Variants in TASP1 observed in about 807,000 individuals in gnomAD.
TASP1 encodes taspase 1, also known as threonine aspartase 1.
In TASP1, 16 loss-of-function variants were observed where a neutral mutation model predicts 56.6. The observed-to-expected ratio is 0.28, with a 90% CI of 0.19 to 0.43. The LOEUF is 0.43. Among genes scored for constraint, TASP1 ranks in the 20% least tolerant of loss-of-function variants. TASP1 has a pLI of 1.00. For synonymous variants in TASP1, 179 were observed against 184.2 expected (o/e 0.97, Z 0.23); for missense variants, 393 against 511.6 (o/e 0.77, Z 2.24).
chr20:13,370,440 A>G, the TASP1 span, among the ~76,000 whole-genome samples: 9 of 152,160 alleles, frequency 5.9e-5, no homozygotes, highest in Non-Finnish European at 1.3e-4. Context: ...AGCTATATAC[A>G]TAAAAAGCTT....
At chr20:13,624,878 GC>G (rs1179468583) in intron 3 of TASP1, among the ~76,000 whole-genome samples, 1 of 151,092 alleles carries the variant, frequency 6.6e-6, no homozygotes, top group Non-Finnish European at 1.5e-5. Context: ...CTGCCTTTAA[GC>G]TGTTTTCTCT....
At chr20:13,580,162 G>A (rs2047069291) in intron 6 of TASP1, among the ~76,000 whole-genome samples, 1 of 152,176 alleles carries the variant, frequency 6.6e-6, no homozygotes, top group Non-Finnish European at 1.5e-5. Flanking sequence ...AAATACTATA[G>A]GGGCCAGGCA....
chr20:13,563,794 T>C (rs6109949), intron 7 of TASP1, among the ~76,000 whole-genome samples: 90,823 of 151,634 alleles, frequency 0.6, 28,086 homozygotes, highest in Non-Finnish European at 0.68. Context: ...CAAGAGCCAC[T>C]CCACCCAGCA....
chr20:13,591,617 A>G (rs1318976807), intron 4 of TASP1, among the ~76,000 whole-genome samples: 1 of 152,236 alleles, frequency 6.6e-6, no homozygotes, highest in African/African-American at 2.4e-5. Flanking sequence ...AAGACACCAC[A>G]TGTAAATCTG....
chr20:13,182,905 C>G, the TASP1 span, among the ~76,000 whole-genome samples: 1 of 152,178 alleles, frequency 6.6e-6, no homozygotes, highest in Non-Finnish European at 1.5e-5. Flanking sequence ...TTTGATTCTT[C>G]TTTCAAAATA....
At chr20:13,600,003 C>T (rs2047893633) in intron 4 of TASP1, among the ~76,000 whole-genome samples, 1 of 151,966 alleles carries the variant, frequency 6.6e-6, no homozygotes, top group Non-Finnish European at 1.5e-5. Flanking sequence ...TAGTAATAAA[C>T]TATTGGAAAT....
At chr20:13,246,872 T>C in the TASP1 span, among the ~76,000 whole-genome samples, 1 of 152,186 alleles carries the variant, frequency 6.6e-6, no homozygotes, top group South Asian at 2.1e-4. Flanking sequence ...TTGTAATTAA[T>C]ATCCTTCTCT....
At chr20:13,288,284 T>C in the TASP1 span, among the ~76,000 whole-genome samples, 130 of 152,296 alleles carry the variant, frequency 8.5e-4, no homozygotes, top group African/African-American at 3.1e-3. Flanking sequence ...ATGTATGCAT[T>C]CTCAGTAAGT....
At position 13,638,306 on chromosome 20, in the gene TASP1, C is replaced by G. The variant is rs8123211; in HGVS notation, c.-75+588G>C. Among the ~76,000 whole-genome samples, 1,229 of 152,202 alleles carry G rather than the reference C, an allele frequency of 8.1e-3. 21 individuals are homozygous for G. The highest frequency in any genetic ancestry group is 0.028 in the African/African-American group (1,158 of 41,510). The stretch of plus-strand genomic sequence containing the variant: ...CTACAGAAGCCAGGAAAGTTGAACT[C>G]TCTCCTTCCGGAAACACGATACCCT... On this transcript the variant is annotated intron_variant, in intron 1 of 13. Transcript: ENST00000337743.
At chr20:13,231,086 C>T in the TASP1 span, among the ~76,000 whole-genome samples, 1 of 152,140 alleles carries the variant, frequency 6.6e-6, no homozygotes, top group Admixed American at 6.5e-5. Flanking sequence ...ATTACTTGTT[C>T]TTTGTCTCAG....
At chr20:13,541,447 G>A (rs2045618222) in intron 8 of TASP1, among the ~76,000 whole-genome samples, 1 of 152,070 alleles carries the variant, frequency 6.6e-6, no homozygotes, top group Non-Finnish European at 1.5e-5. Context: ...AGTCCGTAAG[G>A]GGCATTCTAC....
At chr20:13,175,277 G>A in the TASP1 span, among the ~76,000 whole-genome samples, 1 of 152,146 alleles carries the variant, frequency 6.6e-6, no homozygotes, top group Non-Finnish European at 1.5e-5. Flanking sequence ...TGGATAAAAT[G>A]TAAGATTCTT....
At chr20:13,225,380 A>G in the TASP1 span, among the ~76,000 whole-genome samples, 1 of 152,202 alleles carries the variant, frequency 6.6e-6, no homozygotes, top group Non-Finnish European at 1.5e-5. Flanking sequence ...TTAACAATTT[A>G]CATTTTCAAA....
chr20:13,279,796 G>A, the TASP1 span: 15 of 1,613,916 alleles, frequency 9.3e-6, no homozygotes, highest in South Asian at 6.6e-5. Flanking sequence ...CTACAAGTAC[G>A]ACAGTACCTC....
At chr20:13,418,238 G>A (rs1005623577) in intron 12 of TASP1, among the ~76,000 whole-genome samples, 1 of 152,110 alleles carries the variant, frequency 6.6e-6, no homozygotes, top group African/African-American at 2.4e-5. Flanking sequence ...CATTCTCTAC[G>A]AAAAAGAACC....
intron 4 of TASP1, among the ~76,000 whole-genome samples, chr20:13,591,141 G>A (rs903885557): frequency 5.9e-5 from 9 of 151,946 alleles, no homozygotes; most frequent in African/African-American, 1.2e-4. Context: ...CAACATGCAC[G>A]TAACTGGAGT....
the TASP1 span, among the ~76,000 whole-genome samples, chr20:13,298,207 G>A: frequency 1.3e-5 from 2 of 152,204 alleles, no homozygotes; most frequent in Non-Finnish European, 2.9e-5. Context: ...CCAGGTTCAA[G>A]CGATTCTCCT....
intron 11 of TASP1, among the ~76,000 whole-genome samples, chr20:13,465,125 G>A (rs1360261657): frequency 6.8e-6 from 1 of 148,130 alleles, no homozygotes; most frequent in Non-Finnish European, 1.5e-5. Flanking sequence ...GAGCCATGAT[G>A]GTGCCACTGC....
At chr20:13,163,043 C>T in the TASP1 span, among the ~76,000 whole-genome samples, 1 of 152,058 alleles carries the variant, frequency 6.6e-6, no homozygotes, top group Non-Finnish European at 1.5e-5. Context: ...ATATAAGAGA[C>T]ACACAAATAA....
Sources: gnomAD v4.1 joint callset for allele counts (sites outside exome capture counted in the v4.1 genomes callset) on GRCh38, gnomAD v4.1.1 for gene constraint, MANE v1.5 for transcripts, NCBI Gene and HGNC (gene_info 2026-07-23, HGNC 2026-07-21) for gene names.